Variants in FREM1 observed in about 807,000 individuals in gnomAD.
FREM1 encodes the protein FRAS1 related extracellular matrix 1.
FREM1 carries 220 observed loss-of-function variants against 210.1 expected under a neutral mutation model. The ratio of observed to expected loss-of-function variants is 1.05; its 90% confidence interval spans 0.94 to 1.17. FREM1 has a LOEUF of 1.17. Among genes scored for constraint, FREM1 ranks in the 50% most tolerant of loss-of-function variants. FREM1 has a pLI of 0.00. For missense variants in FREM1, 3,454 were observed against 2,675.5 expected (o/e 1.29, Z -6.42); for synonymous variants, 1,189 against 980.2 (o/e 1.21, Z -3.98).
chr9:14,837,034 C>A (rs548213906), intron 10 of FREM1, among the ~76,000 whole-genome samples: 84 of 152,278 alleles, frequency 5.5e-4, no homozygotes, highest in African/African-American at 1.4e-3. Flanking sequence ...ATGCAAATGC[C>A]GGCCATTAGA....
At chr9:14,788,579 G>T (rs1463633830) in intron 23 of FREM1, among the ~76,000 whole-genome samples, 1 of 152,086 alleles carries the variant, frequency 6.6e-6, no homozygotes, top group Non-Finnish European at 1.5e-5. Flanking sequence ...ACTTCCTGAA[G>T]ATAAAACTAG....
rs549026774 is a variant in FREM1, at chr9:14,746,347, C to A, written c.6254+6G>T. 9 of 1,597,914 alleles carry A rather than the reference C, an allele frequency of 5.6e-6. No individual in the cohort carries two copies. Among genetic ancestry groups the A allele is most frequent in the South Asian group, 2.2e-5 (2 of 90,552 alleles). On this transcript the variant is annotated splice_donor_region_variant and intron_variant, in intron 35 of 36. Coordinates refer to ENST00000380880, the MANE Select transcript of FREM1 (RefSeq NM_001379081.2). ...CACCAATCAAATGTGCAATAGGGTG[C>A]CTTACTGTTCCCTGCAAGCTTGGGC...
At chr9:14,739,513 G>GTA (rs1172057829) in intron 36 of FREM1, among the ~76,000 whole-genome samples, 309 of 138,618 alleles carry the variant, frequency 2.2e-3, no homozygotes, top group African/African-American at 8.1e-3. Flanking sequence ...ATGAATATAT[G>GTA]TATATATTCC....
chr9:14,857,581 G>C lies in FREM1; in HGVS notation c.800C>G (p.Thr267Arg), dbSNP rs1241983977. 1 of 1,613,616 alleles carries C rather than the reference G, an allele frequency of 6.2e-7. No individual in the cohort carries two copies. The highest frequency in any genetic ancestry group is 1.7e-5 in the Admixed American group (1 of 60,000). Residue 267 changes from threonine to arginine, a missense_variant, in exon 5 of 37, where the codon ACA becomes AGA. Coordinates refer to ENST00000380880, the MANE Select transcript of FREM1 (RefSeq NM_001379081.2). The stretch of plus-strand genomic sequence containing the variant: ...GTACACAATTTTGCTCCTGGTATCT[G>C]TGAGGTCCAGTTGGATGGAGATATA... ...IDYISIQLDL[T>R]DTRSKIVYKS...
chr9:14,738,796 G>A (rs1319195537), intron 36 of FREM1, among the ~76,000 whole-genome samples: 7 of 151,994 alleles, frequency 4.6e-5, no homozygotes, highest in African/African-American at 7.2e-5. Context: ...GATCACCTGA[G>A]GTCAGGAGTT....
chr9:14,748,679 CACAA>C (rs762103185), intron 30 of FREM1, 40 bp from the exon 31 acceptor site: 1 of 1,296,060 alleles, frequency 7.7e-7, no homozygotes, highest in Non-Finnish European at 1.1e-6. Context: ...GTTCATTTTA[CACAA>C]ACAGATAAGG....
intron 1 of FREM1, among the ~76,000 whole-genome samples, chr9:14,896,325 C>A (rs1837708132): frequency 6.6e-6 from 1 of 152,104 alleles, no homozygotes; most frequent in Non-Finnish European, 1.5e-5. Flanking sequence ...GTGGGCAGAT[C>A]ACGAGGTCAG....
chr9:14,746,251 C>T (rs778126991), intron 35 of FREM1, 102 bp downstream of exon 35: 8 of 835,658 alleles, frequency 9.6e-6, no homozygotes, highest in African/African-American at 1.7e-5. Context: ...ATATTAGGCA[C>T]TCAATACTTG....
chr9:14,778,011 A>G (rs749614000), intron 24 of FREM1, among the ~76,000 whole-genome samples: 6 of 152,198 alleles, frequency 3.9e-5, no homozygotes, highest in Non-Finnish European at 8.8e-5. Flanking sequence ...AAAGAAATCT[A>G]TGTCCAAAAA....
Position 14,859,200 on chromosome 9 carries a change from C to T in FREM1, c.614G>A (p.Ser205Asn). 2 of 1,586,670 alleles carry T rather than the reference C, an allele frequency of 1.3e-6. No homozygotes were observed. The highest frequency in any genetic ancestry group is 1.7e-6 in the Non-Finnish European group (2 of 1,166,840). The change falls in exon 4 of 37, where the codon AGT becomes AAT. Residue 205 changes from serine (S) to asparagine (N), a missense_variant. Transcript: ENST00000380880. ...CATCATACGGGACTCTGGGAAAAAACTGTGTGGCTGATCTCCACGAGGTTC... is the reference window on the plus strand; with the variant it reads ...CATCATACGGGACTCTGGGAAAAAATTGTGTGGCTGATCTCCACGAGGTTC... Reference protein sequence around the residue: ...PEEPRGDQPHSFFPESQLRAK... With the variant: ...PEEPRGDQPHNFFPESQLRAK...
At chr9:14,878,013 C>T (rs10961764) in intron 1 of FREM1, among the ~76,000 whole-genome samples, 18,991 of 152,206 alleles carry the variant, frequency 0.12, 2,279 homozygotes, top group African/African-American at 0.31. Context: ...CAAGTCTCTG[C>T]TGGATGATTG....
At chr9:14,795,810 T>C (rs552139268) in intron 21 of FREM1, among the ~76,000 whole-genome samples, 5 of 152,318 alleles carry the variant, frequency 3.3e-5, no homozygotes, top group African/African-American at 7.2e-5. Flanking sequence ...TGAAAGAATC[T>C]AATATACTGT....
At chr9:14,846,832 C>T (rs1356875751) in intron 7 of FREM1, among the ~76,000 whole-genome samples, 3 of 152,208 alleles carry the variant, frequency 2.0e-5, no homozygotes, top group Non-Finnish European at 2.9e-5. Flanking sequence ...CCTGCCATCC[C>T]GGCCTCGACC....
intron 17 of FREM1, 33 bp downstream of exon 17, chr9:14,807,907 C>T (rs769705553): frequency 6.6e-7 from 1 of 1,504,990 alleles, no homozygotes; most frequent in East Asian, 2.3e-5. Flanking sequence ...CTAGGTCAGA[C>T]AATAGTACTG....
chr9:14,896,624 G>A (rs1837791292), intron 1 of FREM1, among the ~76,000 whole-genome samples: 1 of 151,754 alleles, frequency 6.6e-6, no homozygotes, highest in Admixed American at 6.6e-5. Context: ...CATAAAAATG[G>A]GCAACCAGCA....
At chr9:14,889,181 T>C (rs1836342773) in intron 1 of FREM1, among the ~76,000 whole-genome samples, 1 of 152,228 alleles carries the variant, frequency 6.6e-6, no homozygotes, top group Non-Finnish European at 1.5e-5. Flanking sequence ...TGTCTTTTGA[T>C]TGATTTCCAG....
Position 14,784,557 on chromosome 9 carries a change from C to G in FREM1, c.4255G>C (p.Ala1419Pro). 1.2e-6 allele frequency: 2 copies of G among 1,613,140 alleles called. No individual in the cohort carries two copies. Among genetic ancestry groups the G allele is most frequent in the Non-Finnish European group, 1.7e-6 (2 of 1,179,532 alleles). Residue 1419 changes from alanine to proline, a missense_variant, in exon 24 of 37, where the codon GCT becomes CCT. By Grantham distance (27) the Ala-to-Pro change is conservative. Coordinates refer to ENST00000380880, the MANE Select transcript of FREM1 (RefSeq NM_001379081.2). ...RGFLTTTTLL[A>P]VDGTDKPEEL... The stretch of plus-strand genomic sequence containing the variant: ...TCAGGCTTGTCTGTTCCGTCCACAG[C>G]CAGGAGCGTGGTGGTTGTTAAGAAA...
At chr9:14,866,296 T>G (rs1831503671) in intron 2 of FREM1, among the ~76,000 whole-genome samples, 1 of 152,216 alleles carries the variant, frequency 6.6e-6, no homozygotes, top group African/African-American at 2.4e-5. Context: ...GTTTTTTACC[T>G]AGTTCTAGTC....
At chr9:14,783,129 G>A (rs1043004610) in intron 24 of FREM1, among the ~76,000 whole-genome samples, 6 of 152,128 alleles carry the variant, frequency 3.9e-5, no homozygotes, top group Middle Eastern at 3.2e-3. Context: ...TAAGATATTC[G>A]TTCCAGCTTT....
Sources: allele counts gnomAD v4.1 joint callset (sites outside exome capture counted in the v4.1 genomes callset), GRCh38; gene constraint gnomAD v4.1.1; transcripts MANE v1.5; gene names NCBI Gene and HGNC (gene_info 2026-07-23, HGNC 2026-07-21).